LRRC4C: variants seen among roughly 807,000 people sequenced by gnomAD.
The protein encoded by LRRC4C is leucine-rich repeat-containing protein 4C.
A neutral mutation model predicts 33.6 loss-of-function variants in LRRC4C; 5 were observed. The observed-to-expected ratio is 0.15, with a 90% confidence interval of 0.08 to 0.31. The LOEUF (loss-of-function observed/expected upper bound fraction) is 0.31, where lower values mean the gene tolerates loss of function less well. Among genes scored for constraint, LRRC4C ranks in the 10% least tolerant of loss-of-function variants. The pLI is 1.00. For missense variants in LRRC4C, 560 were observed against 796.7 expected (o/e 0.70, Z 3.58); for synonymous variants, 329 against 302.0 (o/e 1.09, Z -0.93).
At position 40,453,788 on chromosome 11, in the gene LRRC4C, T is replaced by C. The variant is rs1251470763; in HGVS notation, c.-269-134067A>G. Among the ~76,000 whole-genome samples, 14 of 152,166 alleles carry C rather than the reference T, an allele frequency of 9.2e-5. 1 individual carries two copies. Among genetic ancestry groups the C allele is most frequent in the Non-Finnish European group, 1.9e-4 (13 of 68,018 alleles). On this transcript the variant is annotated intron_variant, in intron 3 of 6. Transcript: ENST00000528697. ...CAGAAAGAAAGAAAAATAGTGATTG[T>C]TTAGGGCTTATGGTGGGGTGAGAAA...
At chr11:41,408,985 G>A (rs1165389118) in intron 1 of LRRC4C, among the ~76,000 whole-genome samples, 1 of 152,150 alleles carries the variant, frequency 6.6e-6, no homozygotes, top group African/African-American at 2.4e-5. Flanking sequence ...GAACAGCAGG[G>A]CGAATGCCTC....
At position 40,769,027 on chromosome 11, in the gene LRRC4C, AGGAAGAAGTCAAATTATCGTTGTTT is replaced by A. The variant is rs1339156455; in HGVS notation, c.-406-120774_-406-120750del. The stretch of plus-strand genomic sequence containing the variant: ...AAAATTAAGGGCATCCAAACTGGAA[AGGAAGAAGTCAAATTATCGTTGTTT>A]GTGAATAATTTGATAATACACAGAA... On this transcript the variant is annotated intron_variant, in intron 2 of 6. Coordinates refer to ENST00000528697, the MANE Select transcript of LRRC4C (RefSeq NM_001258419.2). Among the ~76,000 whole-genome samples, 3 of 152,272 alleles carry A rather than the reference AGGAAGAAGTCAAATTATCGTTGTTT, an allele frequency of 2.0e-5. No individual in the cohort carries two copies. In the East Asian group the frequency reaches 5.8e-4, roughly 29 times the overall value.
At chr11:41,423,263 T>G (rs1954932251) in intron 1 of LRRC4C, among the ~76,000 whole-genome samples, 1 of 151,522 alleles carries the variant, frequency 6.6e-6, no homozygotes, top group East Asian at 1.9e-4. Context: ...AGAAATGGAG[T>G]GGGTAGGAGT....
chr11:40,739,512 C>T (rs566157097), intron 2 of LRRC4C, among the ~76,000 whole-genome samples: 5 of 151,866 alleles, frequency 3.3e-5, no homozygotes, highest in South Asian at 4.2e-4. Flanking sequence ...TCAATATATA[C>T]AATTATATAT....
chr11:41,219,124 C>A (rs1481500099), intron 1 of LRRC4C, among the ~76,000 whole-genome samples: 1 of 152,058 alleles, frequency 6.6e-6, no homozygotes, highest in African/African-American at 2.4e-5. Context: ...ATTTTTGAGA[C>A]TGGGGTGAGC....
intron 1 of LRRC4C, among the ~76,000 whole-genome samples, chr11:41,085,011 A>G (rs1392361403): frequency 6.6e-6 from 1 of 152,152 alleles, no homozygotes; most frequent in East Asian, 1.9e-4. Context: ...TTAAAAGATA[A>G]ACTCCCAATA....
intron 1 of LRRC4C, among the ~76,000 whole-genome samples, chr11:41,118,076 T>A (rs1426661014): frequency 6.6e-6 from 1 of 152,172 alleles, no homozygotes; most frequent in Non-Finnish European, 1.5e-5. Context: ...TGTCAATGTA[T>A]ACATTACAAA....
chr11:40,923,462 T>C (rs1330048941), intron 2 of LRRC4C, among the ~76,000 whole-genome samples: 7 of 152,186 alleles, frequency 4.6e-5, no homozygotes, highest in Admixed American at 2.6e-4. Context: ...GTCACACTTG[T>C]CACTTTTGGG....
chr11:41,364,050 G>T (rs1952448108), intron 1 of LRRC4C, among the ~76,000 whole-genome samples: 1 of 152,032 alleles, frequency 6.6e-6, no homozygotes, highest in Non-Finnish European at 1.5e-5. Context: ...TTTTAAGAAA[G>T]TGATCATTTC....
At chr11:40,302,090 T>C (rs1335592458) in intron 4 of LRRC4C, among the ~76,000 whole-genome samples, 1 of 152,192 alleles carries the variant, frequency 6.6e-6, no homozygotes, top group Non-Finnish European at 1.5e-5. Context: ...GTTAGTTTTA[T>C]AGGGGCAATA....
intron 1 of LRRC4C, among the ~76,000 whole-genome samples, chr11:40,969,870 C>T (rs778086333): frequency 4.6e-5 from 7 of 152,100 alleles, no homozygotes; most frequent in African/African-American, 1.7e-4. Context: ...TTCAGTTGAA[C>T]AGACATTATC....
At chr11:40,696,041 ATGTG>A (rs567120072) in intron 2 of LRRC4C, among the ~76,000 whole-genome samples, 27 of 143,978 alleles carry the variant, frequency 1.9e-4, no homozygotes, top group Admixed American at 7.7e-4. Context: ...GTATATATAT[ATGTG>A]TGTGTGTGTG....
chr11:41,249,006 C>T (rs1948543815), intron 1 of LRRC4C, among the ~76,000 whole-genome samples: 2 of 151,880 alleles, frequency 1.3e-5, no homozygotes, highest in Non-Finnish European at 2.9e-5. Context: ...TCACTATAGC[C>T]ACTGTTATCT....
At chr11:41,333,761 G>A (rs1409542351) in intron 1 of LRRC4C, among the ~76,000 whole-genome samples, 1 of 152,184 alleles carries the variant, frequency 6.6e-6, no homozygotes, top group Non-Finnish European at 1.5e-5. Flanking sequence ...TTTGCAGCCT[G>A]AAAATTTATT....
intron 2 of LRRC4C, among the ~76,000 whole-genome samples, chr11:40,915,149 T>TC (rs1419488325): frequency 9.2e-5 from 14 of 151,938 alleles, no homozygotes; most frequent in Non-Finnish European, 1.5e-5. Flanking sequence ...CAATGCCGTC[T>TC]CCATCAAGCT....
intron 1 of LRRC4C, among the ~76,000 whole-genome samples, chr11:41,169,762 A>G (rs968495407): frequency 6.6e-6 from 1 of 152,152 alleles, no homozygotes; most frequent in East Asian, 1.9e-4. Flanking sequence ...AGCAAGCTTT[A>G]TTACGTTTGT....
At chr11:40,956,221 A>G (rs1234506781) in intron 1 of LRRC4C, among the ~76,000 whole-genome samples, 1 of 151,784 alleles carries the variant, frequency 6.6e-6, no homozygotes, top group Non-Finnish European at 1.5e-5. Flanking sequence ...ATAGCCCTCT[A>G]AATTCCTCAT....
chr11:40,192,690 T>C (rs1861942094), intron 5 of LRRC4C, among the ~76,000 whole-genome samples: 1 of 152,082 alleles, frequency 6.6e-6, no homozygotes, highest in South Asian at 2.1e-4. Flanking sequence ...CCCAACAAGC[T>C]AAGATCCACT....
intron 2 of LRRC4C, among the ~76,000 whole-genome samples, chr11:40,846,979 G>C (rs1953211195): frequency 6.6e-6 from 1 of 152,164 alleles, no homozygotes. Context: ...AGGAATGCTT[G>C]TGATTTTTGC....
Sources: allele counts gnomAD v4.1 joint callset (sites outside exome capture counted in the v4.1 genomes callset), GRCh38; gene constraint gnomAD v4.1.1; transcripts MANE v1.5; gene names NCBI Gene and HGNC (gene_info 2026-07-23, HGNC 2026-07-21).